Variants in WWOX observed in about 807,000 individuals in gnomAD.
WWOX encodes the protein WW domain-containing oxidoreductase.
Under a neutral mutation model 46.2 loss-of-function variants are expected in WWOX, and 69 were observed. The observed-to-expected ratio is 1.49, with a 90% confidence interval of 1.23 to 1.82. WWOX has a LOEUF of 1.82. Ranked by LOEUF, WWOX falls within the 40% of genes most tolerant of loss-of-function variation. The pLI is 0.00. For missense variants in WWOX, 919 were observed against 542.6 expected (o/e 1.69, Z -6.89); for synonymous variants, 359 against 202.6 (o/e 1.77, Z -6.56).
At chr16:78,956,541 A>G (rs2046170552) in intron 8 of WWOX, among the ~76,000 whole-genome samples, 1 of 152,212 alleles carries the variant, frequency 6.6e-6, no homozygotes, top group African/African-American at 2.4e-5. Flanking sequence ...TTGGTGATAT[A>G]TATTCTGTGG....
intron 8 of WWOX, among the ~76,000 whole-genome samples, chr16:78,983,092 G>A (rs2046714682): frequency 6.6e-6 from 1 of 152,098 alleles, no homozygotes; most frequent in Non-Finnish European, 1.5e-5. Context: ...CTTGTGTTTT[G>A]CTTTTGTAGA....
chr16:79,042,175 C>G (rs2047984136), intron 8 of WWOX, among the ~76,000 whole-genome samples: 1 of 152,116 alleles, frequency 6.6e-6, no homozygotes, highest in Non-Finnish European at 1.5e-5. Context: ...CAGATGCACA[C>G]AGTGATTGAG....
intron 8 of WWOX, among the ~76,000 whole-genome samples, chr16:79,082,017 G>A (rs750333316): frequency 1.3e-5 from 2 of 152,202 alleles, no homozygotes; most frequent in African/African-American, 2.4e-5. Context: ...AATTCTGTAA[G>A]CACAGGAGTG....
chr16:78,853,457 A>C (rs2052497114), intron 8 of WWOX, among the ~76,000 whole-genome samples: 1 of 152,062 alleles, frequency 6.6e-6, no homozygotes, highest in Non-Finnish European at 1.5e-5. Flanking sequence ...GGTTATCATT[A>C]TTTATTTAGT....
At chr16:79,210,783 G>A (rs987351153) in intron 8 of WWOX, among the ~76,000 whole-genome samples, 3 of 152,088 alleles carry the variant, frequency 2.0e-5, no homozygotes, top group African/African-American at 7.2e-5. Flanking sequence ...CTGTCAGTTT[G>A]GATGATATGA....
At chr16:78,422,760 CATAT>C (rs1405236548) in intron 6 of WWOX, among the ~76,000 whole-genome samples, 1 of 113,930 alleles carries the variant, frequency 8.8e-6, no homozygotes, top group Non-Finnish European at 1.6e-5. Flanking sequence ...CATATATACA[CATAT>C]ATATACACAC....
At chr16:78,613,395 C>T (rs910583439) in intron 8 of WWOX, among the ~76,000 whole-genome samples, 3 of 152,046 alleles carry the variant, frequency 2.0e-5, no homozygotes, top group African/African-American at 7.2e-5. Context: ...CCTGAGTGTC[C>T]CTGTTACAAG....
At chr16:78,302,505 A>G (rs529517481) in intron 5 of WWOX, among the ~76,000 whole-genome samples, 7 of 152,296 alleles carry the variant, frequency 4.6e-5, no homozygotes, top group Admixed American at 4.6e-4. Flanking sequence ...ACCTGCAGAC[A>G]TGTTTTGTCT....
intron 5 of WWOX, among the ~76,000 whole-genome samples, chr16:78,236,381 G>A (rs2037438041): frequency 6.6e-6 from 1 of 152,148 alleles, no homozygotes; most frequent in African/African-American, 2.4e-5. Context: ...AGGTGTTTTT[G>A]TGATGATTTT....
chr16:78,361,974 T>TTTC lies in WWOX; in HGVS notation c.517-24884_517-24883insCTT, dbSNP rs1247913435. 2.5e-3 allele frequency among the ~76,000 whole-genome samples: 385 copies of TTTC among 151,668 alleles called. 3 individuals are homozygous for TTTC. The highest frequency in any genetic ancestry group is 9.1e-3 in the African/African-American group (375 of 41,382). On this transcript the variant is annotated intron_variant, in intron 5 of 8. Coordinates refer to ENST00000566780, the MANE Select transcript of WWOX (RefSeq NM_016373.4). ...AGCGTAGATTCACAGGTATTTCCTT[T>TTTC]TTTTTTTTTTGATTTATTAATACCT...
chr16:78,589,263 A>G (rs1222229469), intron 8 of WWOX, among the ~76,000 whole-genome samples: 1 of 152,246 alleles, frequency 6.6e-6, no homozygotes, highest in Admixed American at 6.5e-5. Context: ...AAAGCAAAGC[A>G]AAACAAAATA....
At chr16:79,200,405 C>A (rs550324170) in intron 8 of WWOX, among the ~76,000 whole-genome samples, 9 of 152,254 alleles carry the variant, frequency 5.9e-5, no homozygotes, top group Admixed American at 5.9e-4. Flanking sequence ...GAACATTACA[C>A]GTCAACAAGA....
intron 8 of WWOX, among the ~76,000 whole-genome samples, chr16:79,013,802 C>T (rs913199167): frequency 6.6e-6 from 1 of 152,168 alleles, no homozygotes; most frequent in Non-Finnish European, 1.5e-5. Context: ...GCCCAATTGC[C>T]TCCTACATGG....
chr16:78,635,548 G>T (rs2151666655), intron 8 of WWOX, among the ~76,000 whole-genome samples: 1 of 152,284 alleles, frequency 6.6e-6, no homozygotes, highest in African/African-American at 2.4e-5. Flanking sequence ...CAGACAAGTT[G>T]CTCATCCTCT....
intron 5 of WWOX, among the ~76,000 whole-genome samples, chr16:78,321,277 A>AT (rs2080461323): frequency 1.3e-5 from 1 of 77,276 alleles, no homozygotes; most frequent in Admixed American, 1.3e-4. Context: ...TAGTTTTTTA[A>AT]ATATATATAT....
At chr16:79,069,835 A>G (rs1051962522) in intron 8 of WWOX, among the ~76,000 whole-genome samples, 6 of 152,184 alleles carry the variant, frequency 3.9e-5, no homozygotes, top group African/African-American at 1.4e-4. Context: ...TTAGTCTCAG[A>G]TAAGAGCTCT....
At chr16:79,058,145 C>G (rs1257814882) in intron 8 of WWOX, among the ~76,000 whole-genome samples, 1 of 149,452 alleles carries the variant, frequency 6.7e-6, no homozygotes, top group Admixed American at 6.6e-5. Flanking sequence ...AAAAAAACTC[C>G]TTCTTCATTT....
chr16:79,023,212 T>A (rs1264012384), intron 8 of WWOX, among the ~76,000 whole-genome samples: 1 of 152,194 alleles, frequency 6.6e-6, no homozygotes, highest in Non-Finnish European at 1.5e-5. Flanking sequence ...GGGAAAACAG[T>A]CCATCTTGTT....
In WWOX at chr16:78,397,084, G is replaced by C. The variant is rs550795185; in HGVS notation, c.605+10136G>C. ...AATAAGTGTTGAGAGTCGATGTTGT[G>C]TGCATAGTTAATTTCAATTCTTTGA... On this transcript the variant is annotated intron_variant, in intron 6 of 8. Transcript: ENST00000566780. Among the ~76,000 whole-genome samples, 3 of 152,268 alleles carry C rather than the reference G, an allele frequency of 2.0e-5. No homozygotes were observed. In the East Asian group the frequency reaches 5.8e-4, roughly 29 times the overall value.
Sources: allele counts gnomAD v4.1 joint callset (sites outside exome capture counted in the v4.1 genomes callset), GRCh38; gene constraint gnomAD v4.1.1; transcripts MANE v1.5; gene names NCBI Gene and HGNC (gene_info 2026-07-23, HGNC 2026-07-21).